The following ADAMTS16 variants were observed in gnomAD, a reference collection of about 807,000 sequenced individuals.
The protein encoded by ADAMTS16 is ADAM metallopeptidase with thrombospondin type 1 motif 16, also known as A disintegrin and metalloproteinase with thrombospondin motifs 16.
A neutral mutation model predicts 145.8 loss-of-function variants in ADAMTS16; 94 were observed. The observed-to-expected ratio is 0.64, with a 90% confidence interval of 0.55 to 0.77. The LOEUF (loss-of-function observed/expected upper bound fraction) is 0.77, where lower values mean the gene tolerates loss of function less well. ADAMTS16 is among the 30% of genes least tolerant of loss of function. The pLI, the probability that ADAMTS16 is intolerant of heterozygous loss-of-function variation, is 0.00. For synonymous variants in ADAMTS16, 659 were observed against 604.3 expected (o/e 1.09, Z -1.33); for missense variants, 1,585 against 1,591.5 (o/e 1.00, Z 0.07).
chr5:5,160,915 G>C (rs1057389291), intron 3 of ADAMTS16, among the ~76,000 whole-genome samples: 1 of 152,106 alleles, frequency 6.6e-6, no homozygotes, highest in African/African-American at 2.4e-5. Flanking sequence ...CACAGTGTTC[G>C]ATAGATTTGG....
intron 10 of ADAMTS16, among the ~76,000 whole-genome samples, chr5:5,218,398 C>G (rs1324395072): frequency 1.3e-5 from 2 of 152,138 alleles, no homozygotes; most frequent in Non-Finnish European, 2.9e-5. Context: ...CTAGTGGGAG[C>G]ACGCAGACAG....
intron 10 of ADAMTS16, among the ~76,000 whole-genome samples, chr5:5,220,709 T>A (rs899408652): frequency 6.6e-6 from 1 of 151,938 alleles, no homozygotes; most frequent in Non-Finnish European, 1.5e-5. Flanking sequence ...CTGCATTTAG[T>A]CCCCAGGACA....
chr5:5,252,010 C>G (rs775212468), intron 17 of ADAMTS16, among the ~76,000 whole-genome samples: 6 of 152,158 alleles, frequency 3.9e-5, no homozygotes, highest in Non-Finnish European at 7.4e-5. Flanking sequence ...GCCACCACGC[C>G]CGGCTACTTT....
chr5:5,195,086 AG>A (rs1218800285), intron 8 of ADAMTS16, among the ~76,000 whole-genome samples: 2 of 152,210 alleles, frequency 1.3e-5, no homozygotes, highest in Non-Finnish European at 2.9e-5. Context: ...AGTTTATGCT[AG>A]GGAATGTGAC....
At chr5:5,251,935 C>T (rs1737637569) in intron 17 of ADAMTS16, among the ~76,000 whole-genome samples, 1 of 152,280 alleles carries the variant, frequency 6.6e-6, no homozygotes, top group Admixed American at 6.5e-5. Context: ...CGGCTCACTG[C>T]AACCTCCCGG....
At chr5:5,227,364 A>C (rs1042627834) in intron 11 of ADAMTS16, among the ~76,000 whole-genome samples, 1 of 152,244 alleles carries the variant, frequency 6.6e-6, no homozygotes, top group Non-Finnish European at 1.5e-5. Flanking sequence ...CTGTCAATAA[A>C]ATACAAAACT....
chr5:5,163,024 T>G (rs189678473), intron 3 of ADAMTS16, among the ~76,000 whole-genome samples: 295 of 152,212 alleles, frequency 1.9e-3, no homozygotes, highest in African/African-American at 6.9e-3. Flanking sequence ...TCGTGGAGAA[T>G]TTACAGGAAG....
intron 3 of ADAMTS16, among the ~76,000 whole-genome samples, chr5:5,181,802 G>A (rs2126559400): frequency 6.6e-6 from 1 of 152,260 alleles, no homozygotes; most frequent in South Asian, 2.1e-4. Flanking sequence ...GTCCAGTCCT[G>A]GAGCAGCTCC....
In ADAMTS16 at chr5:5,239,668, T is replaced by C. The variant is rs1737222058; in HGVS notation, c.2279-13T>C. 6.2e-7 allele frequency: 1 copy of C among 1,610,652 alleles called. No individual in the cohort carries two copies. Among genetic ancestry groups the C allele is most frequent in the African/African-American group, 1.3e-5 (1 of 74,852 alleles). On this transcript the variant is annotated splice_polypyrimidine_tract_variant and intron_variant, in intron 15 of 22. Coordinates refer to ENST00000274181, the MANE Select transcript of ADAMTS16 (RefSeq NM_139056.4). ...GAATGAAAAGCTGTATCTTCCCCAT[T>C]TCCTTTATCTAGAGTATTATCACAT...
intron 3 of ADAMTS16, among the ~76,000 whole-genome samples, chr5:5,155,563 T>C (rs1041828238): frequency 4.6e-5 from 7 of 152,184 alleles, no homozygotes; most frequent in African/African-American, 1.4e-4. Flanking sequence ...TTTGGGATTT[T>C]CAAAATTCAG....
intron 7 of ADAMTS16, among the ~76,000 whole-genome samples, chr5:5,190,865 T>G (rs1258129104): frequency 6.6e-6 from 1 of 152,094 alleles, no homozygotes; most frequent in African/African-American, 2.4e-5. Flanking sequence ...GGTTGTAGGA[T>G]GGTTCCCACT....
intron 16 of ADAMTS16, among the ~76,000 whole-genome samples, chr5:5,240,878 TTCCTTGATCACGTC>T (rs1472130152): frequency 1.3e-5 from 2 of 152,308 alleles, no homozygotes; most frequent in East Asian, 3.9e-4. Context: ...TCCATGATCT[TTCCTTGATCACGTC>T]TCCCACCATC....
intron 3 of ADAMTS16, among the ~76,000 whole-genome samples, chr5:5,151,678 TTGTG>T (rs60381485): frequency 1.3e-3 from 177 of 139,676 alleles, no homozygotes; most frequent in African/African-American, 3.9e-3. Context: ...ATAGTTCCCT[TTGTG>T]TGTGTGTGTG....
intron 11 of ADAMTS16, among the ~76,000 whole-genome samples, chr5:5,227,547 GTC>G (rs1252205936): frequency 4.3e-4 from 54 of 126,662 alleles, no homozygotes; most frequent in Admixed American, 8.8e-4. Context: ...GTGTGTGTGT[GTC>G]TCTACATGCA....
chr5:5,190,907 TA>T (rs1304388126), intron 7 of ADAMTS16, among the ~76,000 whole-genome samples: 1 of 152,096 alleles, frequency 6.6e-6, no homozygotes, highest in Non-Finnish European at 1.5e-5. Context: ...TCATTGTGCC[TA>T]AATTGTGTGT....
chr5:5,268,777 T>C (rs114570262), intron 18 of ADAMTS16, among the ~76,000 whole-genome samples: 2,954 of 152,268 alleles, frequency 0.019, 96 homozygotes, highest in African/African-American at 0.067. Flanking sequence ...TGCTCCTTCC[T>C]CTTTCTCTGC....
At chr5:5,271,485 G>T (rs79619938) in intron 18 of ADAMTS16, among the ~76,000 whole-genome samples, 1 of 152,272 alleles carries the variant, frequency 6.6e-6, no homozygotes, top group African/African-American at 2.4e-5. Context: ...TCCCGCGGCT[G>T]CCCCGCCCCC....
At chr5:5,260,701 A>T (rs1169420684) in intron 17 of ADAMTS16, among the ~76,000 whole-genome samples, 1 of 152,140 alleles carries the variant, frequency 6.6e-6, no homozygotes, top group Admixed American at 6.5e-5. Context: ...TCCTCTTTAC[A>T]CTTGAGAAAA....
intron 16 of ADAMTS16, 132 bp downstream of exon 16, chr5:5,240,057 G>A: frequency 7.2e-7 from 1 of 1,395,318 alleles, no homozygotes; most frequent in Non-Finnish European, 9.6e-7. Flanking sequence ...TCCATAGCCG[G>A]AATGAGGCAG....
Sources: allele counts gnomAD v4.1 joint callset (sites outside exome capture counted in the v4.1 genomes callset), GRCh38; gene constraint gnomAD v4.1.1; transcripts MANE v1.5; gene names NCBI Gene and HGNC (gene_info 2026-07-23, HGNC 2026-07-21).